Variants in RAD51B observed in about 807,000 individuals in gnomAD.
The protein encoded by RAD51B is RAD51 paralog B.
A neutral mutation model predicts 42.2 loss-of-function variants in RAD51B; 38 were observed. The ratio of observed to expected loss-of-function variants is 0.90; its 90% CI spans 0.70 to 1.18. The LOEUF (loss-of-function observed/expected upper bound fraction) is 1.18. Ranked by LOEUF, RAD51B falls within the 50% of genes most tolerant of loss-of-function variation. The probability of loss-of-function intolerance (pLI) is 0.00; values close to 1 mark genes in which losing one functional copy is unlikely to be tolerated. For missense variants in RAD51B, 373 were observed against 400.7 expected (o/e 0.93, Z 0.59); for synonymous variants, 154 against 145.2 (o/e 1.06, Z -0.43).
intron 7 of RAD51B, among the ~76,000 whole-genome samples, chr14:68,291,177 T>A (rs1451758782): frequency 6.6e-6 from 1 of 151,956 alleles, no homozygotes; most frequent in African/African-American, 2.4e-5. Context: ...TTTTATTTTA[T>A]TTTGTTTTTA....
At chr14:68,020,186 T>G (rs1381801610) in intron 7 of RAD51B, among the ~76,000 whole-genome samples, 1 of 152,202 alleles carries the variant, frequency 6.6e-6, no homozygotes, top group Admixed American at 6.5e-5. Flanking sequence ...CTCAGCTCAC[T>G]GCAACCTCTG....
At chr14:68,569,491 T>C (rs893238798) in intron 10 of RAD51B, among the ~76,000 whole-genome samples, 2 of 152,232 alleles carry the variant, frequency 1.3e-5, no homozygotes, top group African/African-American at 4.8e-5. Flanking sequence ...TGTCAACTGC[T>C]GTTTTCATTG....
intron 8 of RAD51B, among the ~76,000 whole-genome samples, chr14:68,379,401 TGG>T (rs2083434880): frequency 6.6e-6 from 1 of 152,194 alleles, no homozygotes; most frequent in African/African-American, 2.4e-5. Flanking sequence ...GAGGGACTGC[TGG>T]GAGAAGGGGG....
At chr14:68,120,008 A>C (rs1042453781) in intron 7 of RAD51B, among the ~76,000 whole-genome samples, 2 of 152,134 alleles carry the variant, frequency 1.3e-5, no homozygotes, top group African/African-American at 4.8e-5. Context: ...AATGATTGTC[A>C]TTCTAACTGG....
chr14:68,457,204 C>T (rs1293806544), intron 9 of RAD51B, among the ~76,000 whole-genome samples: 1 of 151,950 alleles, frequency 6.6e-6, no homozygotes, highest in Non-Finnish European at 1.5e-5. Flanking sequence ...TGAGCCAACA[C>T]GCCCAGCCCT....
At chr14:68,442,854 T>C (rs112506612) in intron 9 of RAD51B, among the ~76,000 whole-genome samples, 23,967 of 152,068 alleles carry the variant, frequency 0.16, 2,508 homozygotes, top group Non-Finnish European at 0.23. Context: ...AAAAGTTAAG[T>C]AACTTGTCCA....
intron 7 of RAD51B, among the ~76,000 whole-genome samples, chr14:67,899,135 C>T (rs535319223): frequency 1.1e-4 from 17 of 152,154 alleles, no homozygotes; most frequent in South Asian, 2.1e-4. Flanking sequence ...CTCCGCCTCC[C>T]GGGCTCATGC....
chr14:68,390,718 C>T (rs987164992), intron 8 of RAD51B, among the ~76,000 whole-genome samples: 5 of 152,182 alleles, frequency 3.3e-5, no homozygotes, highest in African/African-American at 9.7e-5. Flanking sequence ...GGTCATACTT[C>T]ATTTTTCAGT....
At chr14:68,278,217 A>G (rs1293641957) in intron 7 of RAD51B, among the ~76,000 whole-genome samples, 1 of 152,228 alleles carries the variant, frequency 6.6e-6, no homozygotes, top group African/African-American at 2.4e-5. Context: ...TTACCCTTAT[A>G]CTATTTCCAG....
At chr14:68,594,919 A>G (rs916301306) in exon 11 of RAD51B, 1 of 1,096,182 alleles carries the variant, frequency 9.1e-7, no homozygotes, top group Non-Finnish European at 1.1e-6. Context: ...CTGCTGAGCT[A>G]AAGGACCAGG....
At chr14:67,989,654 A>G (rs922970844) in intron 7 of RAD51B, among the ~76,000 whole-genome samples, 87 of 150,588 alleles carry the variant, frequency 5.8e-4, no homozygotes, top group South Asian at 3.7e-3. Flanking sequence ...AAAAAAAAAA[A>G]AAAGAAAGAA....
chr14:68,113,569 A>G (rs1040574533), intron 7 of RAD51B: 1 of 152,184 alleles, frequency 6.6e-6, no homozygotes, highest in South Asian at 2.1e-4. Context: ...AGGCTTTCCC[A>G]TATACAACAT....
intron 7 of RAD51B, among the ~76,000 whole-genome samples, chr14:67,948,646 T>C (rs772853356): frequency 9.2e-5 from 14 of 151,914 alleles, no homozygotes; most frequent in Non-Finnish European, 1.5e-4. Flanking sequence ...AAAAGCAATA[T>C]ATAGGCCGGG....
chr14:68,231,072 C>A (rs1455883128), intron 7 of RAD51B, among the ~76,000 whole-genome samples: 1 of 152,160 alleles, frequency 6.6e-6, no homozygotes, highest in Admixed American at 6.5e-5. Context: ...GATATTTCTA[C>A]TTCTATCCGC....
At chr14:68,102,211 C>A (rs1160572853) in intron 7 of RAD51B, among the ~76,000 whole-genome samples, 1 of 152,192 alleles carries the variant, frequency 6.6e-6, no homozygotes, top group East Asian at 1.9e-4. Context: ...ATGGGTGGGG[C>A]TGCCATGAAG....
At chr14:68,090,091 G>C (rs1378906336) in intron 7 of RAD51B, among the ~76,000 whole-genome samples, 1 of 152,104 alleles carries the variant, frequency 6.6e-6, no homozygotes, top group Non-Finnish European at 1.5e-5. Context: ...TTAAAACCTA[G>C]GCACCCTAGA....
intron 7 of RAD51B, among the ~76,000 whole-genome samples, chr14:68,275,529 A>G (rs2081203356): frequency 6.6e-6 from 1 of 152,124 alleles, no homozygotes; most frequent in Admixed American, 6.5e-5. Context: ...TTTGAAGTCC[A>G]GTGGGGTCTC....
intron 11 of RAD51B, among the ~76,000 whole-genome samples, chr14:68,659,240 G>A (rs908658783): frequency 1.3e-5 from 2 of 152,238 alleles, no homozygotes; most frequent in African/African-American, 4.8e-5. Flanking sequence ...CCCTGGGGCC[G>A]GCTGGGCCAC....
In RAD51B at chr14:68,214,515, C is replaced by A. The variant is rs995666306; in HGVS notation, c.757-77369C>A. Among the ~76,000 whole-genome samples the A allele has an allele frequency of 3.9e-5, 6 of 152,080 alleles. No individual in the cohort carries two copies. In the East Asian group the frequency reaches 5.8e-4, roughly 15 times the overall value. On this transcript the variant is annotated intron_variant, in intron 7 of 10. Transcript: ENST00000471583. Reference sequence around the variant, plus strand: ...TCTACGGCCCCCACTCCCTAAGATTCTTTTGAAATCAGTTAAGACACGCAT... The same window carrying A: ...TCTACGGCCCCCACTCCCTAAGATTATTTTGAAATCAGTTAAGACACGCAT...
Sources: gnomAD v4.1 joint callset for allele counts (sites outside exome capture counted in the v4.1 genomes callset) on GRCh38, gnomAD v4.1.1 for gene constraint, MANE v1.5 for transcripts, NCBI Gene and HGNC (gene_info 2026-07-23, HGNC 2026-07-21) for gene names.